The following PGPEP1L variants were observed in gnomAD, a reference collection of about 807,000 sequenced individuals.
PGPEP1L encodes the protein pyroglutamyl-peptidase 1-like protein.
In PGPEP1L, 7 loss-of-function variants were observed where a neutral mutation model predicts 6.0. The ratio of observed to expected loss-of-function variants is 1.17; its 90% CI spans 0.66 to 2.19. The LOEUF (loss-of-function observed/expected upper bound fraction) is 2.19, where lower values mean the gene tolerates loss of function less well. Ranked by LOEUF, PGPEP1L falls within the 30% of genes most tolerant of loss-of-function variation. PGPEP1L has a pLI of 0.00. For synonymous variants in PGPEP1L, 103 were observed against 83.9 expected, an observed-to-expected ratio of 1.23 and a Z score of -1.24; for missense variants, 209 against 192.5, an observed-to-expected ratio of 1.09 and a Z score of -0.51.
intron 2 of PGPEP1L, among the ~76,000 whole-genome samples, chr15:98,988,038 T>G (rs956618555): frequency 6.6e-6 from 1 of 152,304 alleles, no homozygotes; most frequent in Admixed American, 6.5e-5. Context: ...GGCCCTGGGT[T>G]TCAAGCTCAA....
chr15:98,987,731 C>T (rs1235775959), intron 2 of PGPEP1L, among the ~76,000 whole-genome samples: 1 of 152,136 alleles, frequency 6.6e-6, no homozygotes, highest in African/African-American at 2.4e-5. Flanking sequence ...GTCTGCAGCT[C>T]CCAGCAAGAT....
At chr15:99,006,272 G>T (rs1976574) in intron 1 of PGPEP1L, among the ~76,000 whole-genome samples, 3 of 152,034 alleles carry the variant, frequency 2.0e-5, no homozygotes, top group Non-Finnish European at 2.9e-5. Context: ...TTGCCACCTA[G>T]CTAGCGTCTG....
At chr15:99,001,854 G>T (rs931634739) in intron 2 of PGPEP1L, among the ~76,000 whole-genome samples, 1 of 151,878 alleles carries the variant, frequency 6.6e-6, no homozygotes, top group Non-Finnish European at 1.5e-5. Flanking sequence ...AGTAGCTGGG[G>T]TTACAGGTGC....
chr15:98,969,557 C>G lies in PGPEP1L; in HGVS notation c.77G>C (p.Ser26Thr). 1 of 1,613,998 alleles carries G rather than the reference C, an allele frequency of 6.2e-7. No individual in the cohort carries two copies. The highest frequency in any genetic ancestry group is 1.1e-5 in the South Asian group (1 of 91,084). ...NQGYRDADIR[S>T]FWPEGGVCLP... ...GCACACGCCGCCCTCGGGCCAGAAGCTGCGGATGTCGGCGTCCCGGTAGCC... is the reference window on the plus strand; with the variant it reads ...GCACACGCCGCCCTCGGGCCAGAAGGTGCGGATGTCGGCGTCCCGGTAGCC... Residue 26 changes from serine to threonine, a missense_variant, in exon 4 of 5, where the codon AGC becomes ACC. Physicochemically the swap from Ser to Thr is moderately conservative, Grantham distance 58. Coordinates refer to ENST00000535714, the MANE Select transcript of PGPEP1L (RefSeq NM_001167902.2).
Position 98,969,453 on chromosome 15 carries a change from C to G in PGPEP1L, c.181G>C (p.Asp61His), listed in dbSNP as rs577639159. Residue 61 changes from aspartate to histidine, a missense_variant, in exon 4 of 5, where the codon GAC becomes CAC. Coordinates refer to ENST00000535714, the MANE Select transcript of PGPEP1L (RefSeq NM_001167902.2). ...CCTGCATCTCGGGAAAAGATCACGT[C>G]GACACCCTCCACAGCTACGCGCTTG... ...VCKRVAVEGVDVIFSRDAGRY... is the reference protein window; with the variant it reads ...VCKRVAVEGVHVIFSRDAGRY... 1.2e-6 allele frequency: 2 copies of G among 1,614,010 alleles called. No homozygotes were observed. The highest frequency in any genetic ancestry group is 4.5e-5 in the East Asian group (2 of 44,880).
intron 2 of PGPEP1L, among the ~76,000 whole-genome samples, chr15:98,972,255 A>C (rs778611492): frequency 6.6e-6 from 1 of 152,176 alleles, no homozygotes; most frequent in Non-Finnish European, 1.5e-5. Context: ...TGGGATGCTA[A>C]GGCAGGAGAA....
At chr15:98,986,959 G>T (rs2017754913) in intron 2 of PGPEP1L, among the ~76,000 whole-genome samples, 1 of 151,920 alleles carries the variant, frequency 6.6e-6, no homozygotes, top group Admixed American at 6.6e-5. Flanking sequence ...AAGAGGTCAG[G>T]AGATGGAGAC....
chr15:98,983,024 T>C (rs1365313521), intron 2 of PGPEP1L, among the ~76,000 whole-genome samples: 1 of 152,024 alleles, frequency 6.6e-6, no homozygotes, highest in East Asian at 1.9e-4. Context: ...GGCTTTCTCA[T>C]TTTAGTCAAG....
rs191041440 is a variant in PGPEP1L, at chr15:98,992,161, C to T, written c.-142+13268G>A. On this transcript the variant is annotated intron_variant, in intron 2 of 4. Coordinates refer to ENST00000535714, the MANE Select transcript of PGPEP1L (RefSeq NM_001167902.2). The stretch of plus-strand genomic sequence containing the variant: ...ATAGGAAGAGAAGAAGTCAAATTGT[C>T]TCTGTTTGCAGATGAAATGATTGTA... 2.8e-3 allele frequency among the ~76,000 whole-genome samples: 433 copies of T among 152,290 alleles called. 2 individuals are homozygous for T. The highest frequency in any genetic ancestry group is 0.024 in the Middle Eastern group (7 of 294).
intron 2 of PGPEP1L, among the ~76,000 whole-genome samples, chr15:98,989,185 C>G (rs1290646559): frequency 6.6e-6 from 1 of 152,182 alleles, no homozygotes; most frequent in Non-Finnish European, 1.5e-5. Context: ...ACAAACTCCT[C>G]TGAGCTAAAG....
At chr15:98,971,819 T>C (rs1367689852) in intron 2 of PGPEP1L, among the ~76,000 whole-genome samples, 2 of 152,192 alleles carry the variant, frequency 1.3e-5, no homozygotes, top group Non-Finnish European at 2.9e-5. Context: ...AAGACAAAAC[T>C]ATAAAAAATA....
intron 2 of PGPEP1L, among the ~76,000 whole-genome samples, chr15:98,992,616 CAA>C (rs1231936989): frequency 7.9e-5 from 12 of 152,072 alleles, no homozygotes; most frequent in Admixed American, 1.3e-4. Flanking sequence ...CATATGCAAC[CAA>C]AAAAGAGCCT....
chr15:98,998,502 A>G (rs912061684), intron 2 of PGPEP1L, among the ~76,000 whole-genome samples: 1 of 152,336 alleles, frequency 6.6e-6, no homozygotes, highest in African/African-American at 2.4e-5. Flanking sequence ...ATAGACCCAC[A>G]TGAATATGCC....
At chr15:98,968,840 G>GA (rs1161552389) in intron 4 of PGPEP1L, 143 bp from the exon 5 acceptor site, 6 of 793,728 alleles carry the variant, frequency 7.6e-6, no homozygotes, top group Middle Eastern at 3.6e-4. Context: ...TTTCACCTCA[G>GA]AAAGAACATG....
chr15:98,970,995 A>G (rs752585600), intron 3 of PGPEP1L, 41 bp downstream of exon 3: 3 of 1,609,362 alleles, frequency 1.9e-6, no homozygotes, highest in South Asian at 1.1e-5. Flanking sequence ...CCAGCTCCAC[A>G]TCGCCAGTCC....
chr15:98,999,308 G>A (rs534157364), intron 2 of PGPEP1L, among the ~76,000 whole-genome samples: 5 of 152,230 alleles, frequency 3.3e-5, no homozygotes, highest in Non-Finnish European at 7.3e-5. Flanking sequence ...GGATATACAG[G>A]TGGCAAATAA....
intron 2 of PGPEP1L, among the ~76,000 whole-genome samples, chr15:98,991,179 G>T (rs1555472012): frequency 1.3e-5 from 2 of 152,044 alleles, no homozygotes; most frequent in East Asian, 3.9e-4. Context: ...CCAGGAGCTG[G>T]TTTTTTGAAA....
intron 3 of PGPEP1L, among the ~76,000 whole-genome samples, chr15:98,970,204 C>A (rs2017473557): frequency 6.6e-6 from 1 of 151,376 alleles, no homozygotes; most frequent in African/African-American, 2.4e-5. Context: ...GCACCACGCC[C>A]AGCTAATTTT....
intron 1 of PGPEP1L, among the ~76,000 whole-genome samples, chr15:99,006,125 T>G (rs782514422): frequency 6.6e-6 from 1 of 152,240 alleles, no homozygotes; most frequent in Non-Finnish European, 1.5e-5. Flanking sequence ...CTAGGAGCTG[T>G]GGGTCCTCAG....
Sources: allele counts gnomAD v4.1 joint callset (sites outside exome capture counted in the v4.1 genomes callset), GRCh38; gene constraint gnomAD v4.1.1; transcripts MANE v1.5; gene names NCBI Gene and HGNC (gene_info 2026-07-23, HGNC 2026-07-21).